Variants in AGPS observed in about 807,000 individuals in gnomAD.
The protein encoded by AGPS is alkylglycerone phosphate synthase, also known as alkyldihydroxyacetonephosphate synthase, peroxisomal.
A neutral mutation model predicts 90.7 loss-of-function variants in AGPS; 26 were observed. The ratio of observed to expected loss-of-function variants is 0.29; its 90% CI spans 0.21 to 0.40. AGPS has a LOEUF of 0.40. Among genes scored for constraint, AGPS ranks in the 10% least tolerant of loss-of-function variants. The pLI, the probability that AGPS is intolerant of heterozygous loss-of-function variation, is 1.00. For synonymous variants in AGPS, 294 were observed against 285.3 expected (o/e 1.03, Z -0.31); for missense variants, 540 against 816.1 (o/e 0.66, Z 4.12).
intron 19 of AGPS, among the ~76,000 whole-genome samples, chr2:177,536,306 C>G (rs1015968974): frequency 6.6e-6 from 1 of 151,970 alleles, no homozygotes; most frequent in African/African-American, 2.4e-5. Context: ...ACAGTGGAGA[C>G]TGGTATTCAC....
intron 1 of AGPS, among the ~76,000 whole-genome samples, chr2:177,401,787 C>T (rs1054651836): frequency 2.6e-5 from 4 of 152,204 alleles, no homozygotes; most frequent in African/African-American, 9.6e-5. Flanking sequence ...CTCAGGTGAT[C>T]TGTCCGCCTT....
chr2:177,416,602 T>C (rs1054093057), intron 1 of AGPS, among the ~76,000 whole-genome samples: 3 of 151,068 alleles, frequency 2.0e-5, no homozygotes, highest in Non-Finnish European at 4.4e-5. Flanking sequence ...CTCGGCTCAC[T>C]GCCACCTCCG....
At chr2:177,513,618 A>G (rs1688941907) in intron 16 of AGPS, among the ~76,000 whole-genome samples, 1 of 152,218 alleles carries the variant, frequency 6.6e-6, no homozygotes, top group African/African-American at 2.4e-5. Context: ...AAAAAAAGAA[A>G]AAACTTTCTT....
At chr2:177,466,888 A>G (rs1687470612) in intron 9 of AGPS, among the ~76,000 whole-genome samples, 2 of 152,106 alleles carry the variant, frequency 1.3e-5, no homozygotes, top group Non-Finnish European at 2.9e-5. Flanking sequence ...TGTGTCCAGG[A>G]GGGTAGGATT....
chr2:177,476,439 G>A (rs998260981), intron 10 of AGPS, among the ~76,000 whole-genome samples: 2 of 152,024 alleles, frequency 1.3e-5, no homozygotes, highest in Non-Finnish European at 2.9e-5. Context: ...TTATTTAGTA[G>A]TGTATTGTTT....
In AGPS at chr2:177,463,495, TG is replaced by T. The variant is rs546957279; in HGVS notation, c.996+1478del. On this transcript the variant is annotated intron_variant, in intron 9 of 19. Transcript: ENST00000264167. ...CATTATTCCTGGAGCTATTTAGCTT[TG>T]CTTTTGAAATCTAAAGTTTCCACAT... 3.0e-4 allele frequency among the ~76,000 whole-genome samples: 46 copies of T among 152,332 alleles called. No individual in the cohort carries two copies. In the East Asian group the frequency reaches 8.3e-3, roughly 27 times the overall value.
At chr2:177,417,608 T>C (rs1201144021) in intron 1 of AGPS, among the ~76,000 whole-genome samples, 1 of 152,246 alleles carries the variant, frequency 6.6e-6, no homozygotes, top group African/African-American at 2.4e-5. Flanking sequence ...GGAAGAATTA[T>C]GAGACTGGAA....
rs1686431712 is a variant in AGPS at position 177,436,966 on chromosome 2, T to TA, written c.563-12dup. ...GCTGTTTTTGTGTTTTTCTTTTTTT[T>TA]AACCACAAAACAGGTCATTGTCTTC... On this transcript the variant is annotated splice_polypyrimidine_tract_variant and intron_variant, in intron 4 of 19. Coordinates refer to ENST00000264167, the MANE Select transcript of AGPS (RefSeq NM_003659.4). 1.2e-5 allele frequency: 20 copies of TA among 1,612,818 alleles called. No individual in the cohort carries two copies. Among genetic ancestry groups the TA allele is most frequent in the Non-Finnish European group, 1.6e-5 (19 of 1,179,556 alleles).
chr2:177,410,920 C>T (rs1211671800), intron 1 of AGPS, among the ~76,000 whole-genome samples: 3 of 152,056 alleles, frequency 2.0e-5, no homozygotes, highest in Admixed American at 6.5e-5. Context: ...GGGGCATGGA[C>T]GAGGGGGTAG....
intron 1 of AGPS, among the ~76,000 whole-genome samples, chr2:177,417,152 A>C (rs1685810297): frequency 6.6e-6 from 1 of 152,192 alleles, no homozygotes; most frequent in African/African-American, 2.4e-5. Flanking sequence ...GAGCATCCTT[A>C]ATTTGAAAAT....
intron 8 of AGPS, among the ~76,000 whole-genome samples, chr2:177,454,977 A>G (rs1201151843): frequency 6.6e-6 from 1 of 151,660 alleles, no homozygotes; most frequent in East Asian, 2.0e-4. Flanking sequence ...GGCAGATATC[A>G]TGAAAATTAT....
At chr2:177,453,751 T>C (rs1687023975) in intron 8 of AGPS, among the ~76,000 whole-genome samples, 1 of 126,940 alleles carries the variant, frequency 7.9e-6, no homozygotes, top group Admixed American at 9.8e-5. Context: ...CAGGCTGGAG[T>C]GCAGTGGTTC....
intron 19 of AGPS, among the ~76,000 whole-genome samples, chr2:177,535,189 A>G (rs1397088465): frequency 6.6e-6 from 1 of 152,180 alleles, no homozygotes; most frequent in African/African-American, 2.4e-5. Context: ...AATAGGCTTT[A>G]TGTGGTATGT....
chr2:177,525,623 A>G (rs2079078560), intron 19 of AGPS, among the ~76,000 whole-genome samples: 1 of 152,198 alleles, frequency 6.6e-6, no homozygotes, highest in Non-Finnish European at 1.5e-5. Context: ...AAGGAAATAG[A>G]GGCTTAATTG....
chr2:177,402,616 C>T (rs1347321188), intron 1 of AGPS, among the ~76,000 whole-genome samples: 2 of 152,142 alleles, frequency 1.3e-5, no homozygotes, highest in African/African-American at 4.8e-5. Context: ...TCTCCTGTTA[C>T]CTTTTCCCCA....
Position 177,542,941 on chromosome 2 carries a change from C to T in AGPS, c.*4746C>T, listed in dbSNP as rs952824140. 1 of 152,102 alleles carries T rather than the reference C, an allele frequency of 6.6e-6. No individual in the cohort carries two copies. The highest frequency in any genetic ancestry group is 1.5e-5 in the Non-Finnish European group (1 of 68,016). 9.4% of individuals were successfully genotyped at this position (152,102 alleles called of 1,614,324 possible). ...TCAGCAGTTCAAGACTATTCCTCTTCAAGAACATGTCAGGAATTAAGCAGT... is the reference window on the plus strand; with the variant it reads ...TCAGCAGTTCAAGACTATTCCTCTTTAAGAACATGTCAGGAATTAAGCAGT... On this transcript the variant is annotated 3_prime_UTR_variant, in exon 20 of 20. Coordinates refer to ENST00000264167, the MANE Select transcript of AGPS (RefSeq NM_003659.4).
chr2:177,499,183 A>T (rs552084987), intron 13 of AGPS, among the ~76,000 whole-genome samples: 2 of 151,918 alleles, frequency 1.3e-5, no homozygotes, highest in Non-Finnish European at 3.0e-5. Context: ...TATGCATAAG[A>T]TCGCCTTTGA....
intron 1 of AGPS, among the ~76,000 whole-genome samples, chr2:177,395,872 A>G (rs1363058931): frequency 6.6e-6 from 1 of 152,234 alleles, no homozygotes; most frequent in Non-Finnish European, 1.5e-5. Flanking sequence ...CCTGTTACAG[A>G]ATAGTCATGC....
intron 16 of AGPS, among the ~76,000 whole-genome samples, chr2:177,513,375 G>C (rs548209227): frequency 6.6e-6 from 1 of 152,298 alleles, no homozygotes; most frequent in African/African-American, 2.4e-5. Context: ...TAACAGGTGT[G>C]AGCCATGCAC....
Sources: gnomAD v4.1 joint callset for allele counts (sites outside exome capture counted in the v4.1 genomes callset) on GRCh38, gnomAD v4.1.1 for gene constraint, MANE v1.5 for transcripts, NCBI Gene and HGNC (gene_info 2026-07-23, HGNC 2026-07-21) for gene names.